CBY2: variants seen among roughly 807,000 people sequenced by gnomAD.
CBY2 encodes chibby family member 2.
A neutral mutation model predicts 25.3 loss-of-function variants in CBY2; 23 were observed. The ratio of observed to expected loss-of-function variants is 0.91; its 90% CI spans 0.65 to 1.29. The LOEUF (loss-of-function observed/expected upper bound fraction) is 1.29, where lower values mean the gene tolerates loss of function less well. Among genes scored for constraint, CBY2 ranks in the 50% most tolerant of loss-of-function variants. The probability of loss-of-function intolerance (pLI) is 0.00; values close to 1 mark genes in which losing one functional copy is unlikely to be tolerated. For synonymous variants in CBY2, 279 were observed against 260.2 expected (o/e 1.07, Z -0.70); for missense variants, 642 against 590.7 (o/e 1.09, Z -0.90).
chr13:45,713,693 G>C lies in CBY2; in HGVS notation c.668G>C (p.Ser223Thr). Residue 223 changes from serine (S) to threonine (T), a missense_variant, in exon 3 of 3, where the codon AGC (serine) becomes ACC (threonine). Physicochemically the swap from Ser to Thr is moderately conservative, Grantham distance 58. Transcript: ENST00000310521. This position sits in a 1 kb window ranked among gnomAD's most constrained non-coding sequence, Gnocchi z 5.0. Reference sequence around the variant, plus strand: ...CCCTCGCCACTGCTGCACAAAGACAGCGCGTCCCTGGAGGTGGTGAAGAAG... The same window carrying C: ...CCCTCGCCACTGCTGCACAAAGACACCGCGTCCCTGGAGGTGGTGAAGAAG... ...RAPSPLLHKD[S>T]ASLEVVKKDH... The C allele has an allele frequency of 6.2e-7, 1 of 1,612,458 alleles. No individual in the cohort carries two copies. The highest frequency in any genetic ancestry group is 8.5e-7 in the Non-Finnish European group (1 of 1,179,968).
chr13:45,707,432 G>T (rs1950246009), intron 2 of CBY2, among the ~76,000 whole-genome samples: 1 of 152,148 alleles, frequency 6.6e-6, no homozygotes, highest in South Asian at 2.1e-4. Flanking sequence ...TAAGGCAAAA[G>T]AAATGGCCAT....
rs1224622397 is a variant in CBY2, at chr13:45,713,848, GCC to G, written c.824_825del (p.Ala275GlyfsTer140). The part of the protein sequence containing the change: ...QAYWAQAEDT[A>X]APAEESKPAP... ...CTACTGGGCGCAGGCAGAGGACACG[GCC>G]GCCCCTGCCGAGGAAAGCAAGCCCG... On this transcript the variant is annotated frameshift_variant, in exon 3 of 3. Coordinates refer to ENST00000310521, the MANE Select transcript of CBY2 (RefSeq NM_152719.3). LOFTEE classifies it high-confidence loss of function. This position sits in a 1 kb window ranked among gnomAD's most constrained non-coding sequence, Gnocchi z 5.0. The G allele has an allele frequency of 6.6e-7, 1 of 1,515,950 alleles. No homozygotes were observed. 93.9% of individuals were successfully genotyped at this position (1,515,950 alleles called of 1,614,324 possible).
intron 2 of CBY2, among the ~76,000 whole-genome samples, chr13:45,707,841 C>A (rs894807102): frequency 9.2e-5 from 14 of 152,276 alleles, no homozygotes; most frequent in Non-Finnish European, 1.8e-4. Context: ...CAGAATCATG[C>A]CAGTTCTTTG....
At chr13:45,705,268 A>G (rs1224776134) in intron 2 of CBY2, among the ~76,000 whole-genome samples, 1 of 152,140 alleles carries the variant, frequency 6.6e-6, no homozygotes, top group African/African-American at 2.4e-5. Flanking sequence ...TTTTGTATGT[A>G]ATGATTCAGT....
chr13:45,709,114 C>G (rs952767178), intron 2 of CBY2, among the ~76,000 whole-genome samples: 10 of 152,248 alleles, frequency 6.6e-5, no homozygotes, highest in Non-Finnish European at 1.2e-4. Flanking sequence ...CAAGAGAGCA[C>G]TTAGAGATAA....
At chr13:45,702,676 A>C in intron 1 of CBY2, 99 bp from the exon 2 acceptor site, 1 of 1,027,488 alleles carries the variant, frequency 9.7e-7, no homozygotes, top group South Asian at 1.4e-5. Context: ...GACAAGAGAG[A>C]AATAAATGAG....
Position 45,713,436 on chromosome 13 carries a change from T to C in CBY2, c.411T>C (p.Asn137=), listed in dbSNP as rs765249888. 2 of 1,614,200 alleles carry C rather than the reference T, an allele frequency of 1.2e-6. No individual in the cohort carries two copies. The highest frequency in any genetic ancestry group is 8.5e-7 in the Non-Finnish European group (1 of 1,180,036). The part of the protein sequence containing the change: ...MFVFQDGRWV[N]ENCRLQSPYF... ...TGTTCCAGGACGGGCGCTGGGTAAA[T>C]GAGAACTGCCGCCTGCAGTCTCCCT... The change falls in exon 3 of 3, where the codon AAT becomes AAC. Residue 137 remains asparagine (N), a synonymous_variant. Coordinates refer to ENST00000310521, the MANE Select transcript of CBY2 (RefSeq NM_152719.3). This position sits in a 1 kb window ranked among gnomAD's most constrained non-coding sequence, Gnocchi z 5.0.
intron 2 of CBY2, chr13:45,703,145 T>G: frequency 7.9e-7 from 1 of 1,262,258 alleles, no homozygotes; most frequent in Non-Finnish European, 1.0e-6. Flanking sequence ...CCCAGCCTTC[T>G]CAAAACGAGA....
At position 45,714,245 on chromosome 13, in the gene CBY2, A is replaced by C. The variant is rs756258856; in HGVS notation, c.1220A>C (p.Lys407Thr). Residue 407 changes from lysine to threonine, a missense_variant, in exon 3 of 3, where the codon AAG becomes ACG. Coordinates refer to ENST00000310521, the MANE Select transcript of CBY2 (RefSeq NM_152719.3). ...NKALWENNKL[K>T]LQQKLVIDTV... Reference sequence around the variant, plus strand: ...GCCCTGTGGGAGAACAACAAGCTGAAGCTGCAGCAGAAGCTGGTCATTGAC... The same window carrying C: ...GCCCTGTGGGAGAACAACAAGCTGACGCTGCAGCAGAAGCTGGTCATTGAC... 6.2e-7 allele frequency: 1 copy of C among 1,613,100 alleles called. No individual in the cohort carries two copies. The highest frequency in any genetic ancestry group is 8.5e-7 in the Non-Finnish European group (1 of 1,179,886).
chr13:45,702,605 A>G, intron 1 of CBY2, 140 bp downstream of exon 1: 2 of 877,344 alleles, frequency 2.3e-6, no homozygotes, highest in Non-Finnish European at 1.9e-6. Context: ...TTGATAAACC[A>G]TCATGCCAGA....
rs191824951 is a variant in CBY2, at chr13:45,705,591, C to T, written c.156+2736C>T. 1.0e-3 allele frequency among the ~76,000 whole-genome samples: 159 copies of T among 152,306 alleles called. 2 individuals carry two copies. Among genetic ancestry groups the T allele is most frequent in the African/African-American group, 3.5e-3 (146 of 41,568 alleles). On this transcript the variant is annotated intron_variant, in intron 2 of 2. Coordinates refer to ENST00000310521, the MANE Select transcript of CBY2 (RefSeq NM_152719.3). ...TCTTCTTTATCCTCTTTGCTGTTAA[C>T]GTTGTAATTCTGTCAACATCAATCA...
chr13:45,706,369 G>A (rs944081666), intron 2 of CBY2, among the ~76,000 whole-genome samples: 6 of 152,248 alleles, frequency 3.9e-5, no homozygotes, highest in Non-Finnish European at 7.4e-5. Context: ...CTGTGAGGGC[G>A]ATGTTCGTGC....
chr13:45,713,356 G>A lies in CBY2; in HGVS notation c.331G>A (p.Asp111Asn), dbSNP rs534915627. 85 of 1,614,156 alleles carry A rather than the reference G, an allele frequency of 5.3e-5. No individual in the cohort carries two copies. The South Asian group carries it at 9.2e-4, about 18-fold the overall frequency. Residue 111 changes from aspartate (D) to asparagine (N), a missense_variant, in exon 3 of 3, where the codon GAC becomes AAC. By Grantham distance (23) the Asp-to-Asn change is conservative. Transcript: ENST00000310521. This position sits in a 1 kb window ranked among gnomAD's most constrained non-coding sequence, Gnocchi z 5.0. ...DPMERPMSQA[D>N]LELDYNPPRV... ...CATGGAGCGCCCCATGTCCCAGGCCGACCTGGAGCTGGACTACAACCCGCC... is the reference window on the plus strand; with the variant it reads ...CATGGAGCGCCCCATGTCCCAGGCCAACCTGGAGCTGGACTACAACCCGCC...
Position 45,713,400 on chromosome 13 carries a change from C to G in CBY2, c.375C>G (p.Asp125Glu), listed in dbSNP as rs769479799. Reference sequence around the variant, plus strand: ...ACCCGCCGCGGGTGCAGCTCAGCGACGAGATGTTCGTGTTCCAGGACGGGC... The same window carrying G: ...ACCCGCCGCGGGTGCAGCTCAGCGAGGAGATGTTCGTGTTCCAGGACGGGC... ...DYNPPRVQLS[D>E]EMFVFQDGRW... is the part of the protein sequence containing the mutation. The change falls in exon 3 of 3, where the codon GAC becomes GAG. Residue 125 changes from aspartate (D) to glutamate (E), a missense_variant. Coordinates refer to ENST00000310521, the MANE Select transcript of CBY2 (RefSeq NM_152719.3). This position sits in a 1 kb window ranked among gnomAD's most constrained non-coding sequence, Gnocchi z 5.0. 31 of 1,614,190 alleles carry G rather than the reference C, an allele frequency of 1.9e-5. No individual in the cohort carries two copies. Among genetic ancestry groups the G allele is most frequent in the Non-Finnish European group, 2.5e-5 (30 of 1,180,028 alleles).
chr13:45,704,633 C>T lies in CBY2; in HGVS notation c.156+1778C>T, dbSNP rs1950230128. Among the ~76,000 whole-genome samples, 1 of 152,150 alleles carries T rather than the reference C, an allele frequency of 6.6e-6. No homozygotes were observed. Among genetic ancestry groups the T allele is most frequent in the South Asian group, 2.1e-4 (1 of 4,830 alleles). ...TAGGGGACAGGGTTGATCTGGGAAG[C>T]AAGGAGAGGAAGAAATATTGACTGA... On this transcript the variant is annotated intron_variant, in intron 2 of 2. Transcript: ENST00000310521. This position sits in a 1 kb window ranked among gnomAD's most constrained non-coding sequence, Gnocchi z 4.1.
chr13:45,705,214 C>T (rs182461768), intron 2 of CBY2, among the ~76,000 whole-genome samples: 4 of 152,192 alleles, frequency 2.6e-5, no homozygotes, highest in African/African-American at 9.7e-5. Flanking sequence ...ACTTGCAAGC[C>T]ATCAGTGTCA....
At chr13:45,703,551 C>A (rs1950223059) in intron 2 of CBY2, 4 of 1,551,028 alleles carry the variant, frequency 2.6e-6, no homozygotes, top group South Asian at 1.2e-5. Context: ...GCCATGCAAC[C>A]AGAGGGGTTG....
intron 1 of CBY2, 27 bp from the exon 2 acceptor site, chr13:45,702,748 A>C (rs1480988895): frequency 6.3e-7 from 1 of 1,582,200 alleles, no homozygotes; most frequent in East Asian, 2.2e-5. Context: ...GGGAAGCAGT[A>C]ATCTTCTTCT....
intron 2 of CBY2, among the ~76,000 whole-genome samples, chr13:45,707,158 T>C (rs1950244133): frequency 6.6e-6 from 1 of 152,070 alleles, no homozygotes; most frequent in East Asian, 1.9e-4. Flanking sequence ...CCAAAGTTAC[T>C]GGAAATTTAG....
Sources: gnomAD v4.1 joint callset for allele counts (sites outside exome capture counted in the v4.1 genomes callset) on GRCh38, gnomAD v4.1.1 for gene constraint, Gnocchi (gnomAD v3.1) non-coding constraint, MANE v1.5 for transcripts, NCBI Gene and HGNC (gene_info 2026-07-23, HGNC 2026-07-21) for gene names.